GLI2: variants seen among roughly 807,000 people sequenced by gnomAD.
The protein encoded by GLI2 is transcription activator GLI2.
GLI2 carries 22 observed loss-of-function variants against 78.9 expected under a neutral mutation model. The observed-to-expected ratio is 0.28, with a 90% confidence interval of 0.20 to 0.40. The LOEUF is 0.40. Among genes scored for constraint, GLI2 ranks in the 10% least tolerant of loss-of-function variants. The pLI is 1.00. For synonymous variants in GLI2, 974 were observed against 963.7 expected (o/e 1.01, Z -0.20); for missense variants, 2,097 against 2,213.2 (o/e 0.95, Z 1.05).
intron 2 of GLI2, among the ~76,000 whole-genome samples, chr2:120,858,776 TG>T (rs549954672): frequency 9.1e-4 from 139 of 152,310 alleles, no homozygotes; most frequent in African/African-American, 3.2e-3. Flanking sequence ...CCTGCAGTGC[TG>T]GGGGGCACAG....
chr2:120,755,117 C>A (rs1344380315), intron 1 of GLI2, among the ~76,000 whole-genome samples: 2 of 152,190 alleles, frequency 1.3e-5, no homozygotes, highest in African/African-American at 4.8e-5. Flanking sequence ...TCCCAAAGTG[C>A]TGGGATTGCA....
chr2:120,984,141 T>A (rs1413443104), intron 11 of GLI2, among the ~76,000 whole-genome samples: 1 of 152,148 alleles, frequency 6.6e-6, no homozygotes. Context: ...CTCGTACACT[T>A]GCTACTAGTA....
At chr2:120,871,953 T>G (rs1477810162) in intron 2 of GLI2, among the ~76,000 whole-genome samples, 1 of 151,912 alleles carries the variant, frequency 6.6e-6, no homozygotes, top group Non-Finnish European at 1.5e-5. Context: ...CTTCCCAGGG[T>G]GAGCATGGAG....
At chr2:120,790,717 G>C (rs1305148577) in intron 1 of GLI2, among the ~76,000 whole-genome samples, 1 of 152,212 alleles carries the variant, frequency 6.6e-6, no homozygotes, top group African/African-American at 2.4e-5. Flanking sequence ...GGGCTCTGCA[G>C]AGCTGTTATC....
Position 120,787,474 on chromosome 2 carries a change from C to G in GLI2, c.-30-9817C>G, listed in dbSNP as rs541961562. ...GGGGGCCTTGGCATGGGTCTGGGTGCCTGTGGCTCCCGTGTGCCAGGCTAC... is the reference window on the plus strand; with the variant it reads ...GGGGGCCTTGGCATGGGTCTGGGTGGCTGTGGCTCCCGTGTGCCAGGCTAC... On this transcript the variant is annotated intron_variant, in intron 1 of 13. Coordinates refer to ENST00000361492, the MANE Select transcript of GLI2 (RefSeq NM_001374353.1). 3.3e-5 allele frequency among the ~76,000 whole-genome samples: 5 copies of G among 152,260 alleles called. No individual in the cohort carries two copies. In the South Asian group the frequency reaches 1.0e-3, roughly 32 times the overall value.
chr2:120,748,523 T>C (rs916898466), intron 1 of GLI2, among the ~76,000 whole-genome samples: 2 of 152,184 alleles, frequency 1.3e-5, no homozygotes, highest in Non-Finnish European at 2.9e-5. Flanking sequence ...GCCTCTGGTA[T>C]GTGGGAGAGT....
At chr2:120,849,838 T>C (rs1418572068) in intron 2 of GLI2, among the ~76,000 whole-genome samples, 2 of 152,186 alleles carry the variant, frequency 1.3e-5, no homozygotes, top group Non-Finnish European at 2.9e-5. Flanking sequence ...CTCCCACCCA[T>C]TGGTATCCTC....
At chr2:120,960,116 C>G (rs1175386843) in intron 5 of GLI2, among the ~76,000 whole-genome samples, 1 of 152,168 alleles carries the variant, frequency 6.6e-6, no homozygotes, top group Non-Finnish European at 1.5e-5. Flanking sequence ...ATTTACCAGG[C>G]TCGGTTCTAG....
chr2:120,846,684 T>C (rs1439139180), intron 2 of GLI2, among the ~76,000 whole-genome samples: 2 of 152,234 alleles, frequency 1.3e-5, no homozygotes, highest in Admixed American at 1.3e-4. Flanking sequence ...GGCAAAACCA[T>C]GGCTCAGGCA....
Position 120,971,951 on chromosome 2 carries a change from G to C in GLI2, c.1070G>C (p.Ser357Thr). The C allele has an allele frequency of 6.2e-7, 1 of 1,613,794 alleles. No homozygotes were observed. Among genetic ancestry groups the C allele is most frequent in the Non-Finnish European group, 8.5e-7 (1 of 1,179,920 alleles). The part of the protein sequence containing the change: ...CLSDTNQNKQ[S>T]SESAVSSTVN... Reference sequence around the variant, plus strand: ...TGCACCCTTCCTCAGAACAAGCAGAGCAGTGAGTCGGCCGTCAGCAGCACC... The same window carrying C: ...TGCACCCTTCCTCAGAACAAGCAGACCAGTGAGTCGGCCGTCAGCAGCACC... The change falls in exon 8 of 14, where the codon AGC becomes ACC. Residue 357 changes from serine to threonine, a missense_variant. Ser to Thr is a moderately conservative substitution (Grantham distance 58). Transcript: ENST00000361492.
At position 120,737,252 on chromosome 2, in the gene GLI2, C is replaced by A. The variant is rs998630470; in HGVS notation, c.-31+967C>A. The stretch of plus-strand genomic sequence containing the variant: ...TGTGAGTGTGAGCGCGCCCGCCGCG[C>A]TGGAGAGCTGGGAGTCCACCCAGCT... On this transcript the variant is annotated intron_variant, in intron 1 of 13. Transcript: ENST00000361492. The surrounding 1 kb of genome is among the most constrained non-coding windows in gnomAD (Gnocchi z 4.3). Among the ~76,000 whole-genome samples the A allele has an allele frequency of 1.3e-5, 2 of 152,064 alleles. No individual in the cohort carries two copies. The highest frequency in any genetic ancestry group is 4.8e-5 in the African/African-American group (2 of 41,410).
In GLI2 at chr2:120,978,428, C is replaced by T. The variant is rs527454905; in HGVS notation, c.1318-6C>T. On this transcript the variant is annotated splice_region_variant and splice_polypyrimidine_tract_variant and intron_variant, in intron 9 of 13. Coordinates refer to ENST00000361492, the MANE Select transcript of GLI2 (RefSeq NM_001374353.1). ...TTACCCTCTTCTGGGCATGTCCCTC[C>T]GGCAGCACATCAACAACGAGCACAT... 60 of 1,614,108 alleles carry T rather than the reference C, an allele frequency of 3.7e-5. No individual in the cohort carries two copies. The highest frequency in any genetic ancestry group is 3.5e-4 in the South Asian group (32 of 91,074).
chr2:120,968,908 G>A lies in GLI2; in HGVS notation c.838G>A (p.Ala280Thr), dbSNP rs767371997. Reference protein sequence around the residue: ...SGSYGHLSAGALSPAFTFPHP... With the variant: ...SGSYGHLSAGTLSPAFTFPHP... ...TTCCTACGGGCATCTGTCAGCGGGT[G>A]CCCTCAGGTGAGCCCCGCCTGCAAG... Residue 280 changes from alanine (A) to threonine (T), a missense_variant, in exon 6 of 14, where the codon GCC becomes ACC. Ala to Thr is a moderately conservative substitution (Grantham distance 58). Coordinates refer to ENST00000361492, the MANE Select transcript of GLI2 (RefSeq NM_001374353.1). 6.8e-6 allele frequency: 11 copies of A among 1,610,716 alleles called. No individual in the cohort carries two copies. The East Asian group carries it at 2.2e-4, about 33-fold the overall frequency.
chr2:120,913,500 A>G (rs769590033), intron 2 of GLI2, among the ~76,000 whole-genome samples: 1 of 152,160 alleles, frequency 6.6e-6, no homozygotes, highest in Non-Finnish European at 1.5e-5. Flanking sequence ...TTACAATAAC[A>G]TATGTGGCCC....
At chr2:120,826,081 G>GCCAGGTTCTGT (rs1553453536) in intron 2 of GLI2, among the ~76,000 whole-genome samples, 2 of 152,346 alleles carry the variant, frequency 1.3e-5, no homozygotes, top group African/African-American at 4.8e-5. Flanking sequence ...TTGGGCCGTG[G>GCCAGGTTCTGT]CCAGGCTCTG....
intron 5 of GLI2, among the ~76,000 whole-genome samples, chr2:120,955,764 G>A (rs779475736): frequency 9.2e-5 from 14 of 152,176 alleles, no homozygotes; most frequent in Non-Finnish European, 1.9e-4. Flanking sequence ...AAGCAGGGGC[G>A]GGGGGAGCGA....
intron 8 of GLI2, 132 bp from the exon 9 acceptor site, chr2:120,974,843 C>A: frequency 8.2e-7 from 1 of 1,214,492 alleles, no homozygotes; most frequent in Non-Finnish European, 1.2e-6. Flanking sequence ...ACACCTGTAA[C>A]ACACACACTT....
intron 2 of GLI2, among the ~76,000 whole-genome samples, chr2:120,831,944 C>G (rs1686381369): frequency 6.6e-6 from 1 of 152,236 alleles, no homozygotes; most frequent in Non-Finnish European, 1.5e-5. Flanking sequence ...GTGGGATTAC[C>G]TACGCTGGAC....
At chr2:120,786,439 G>A (rs761363996) in intron 1 of GLI2, among the ~76,000 whole-genome samples, 45 of 151,168 alleles carry the variant, frequency 3.0e-4, no homozygotes, top group Non-Finnish European at 5.9e-4. Flanking sequence ...CCATTCCCCT[G>A]ACCCCAAAAT....
Sources: gnomAD v4.1 joint callset for allele counts (sites outside exome capture counted in the v4.1 genomes callset) on GRCh38, gnomAD v4.1.1 for gene constraint, Gnocchi (gnomAD v3.1) non-coding constraint, MANE v1.5 for transcripts, NCBI Gene and HGNC (gene_info 2026-07-23, HGNC 2026-07-21) for gene names.